AVL9: variants seen among roughly 807,000 people sequenced by gnomAD.
The protein encoded by AVL9 is late secretory pathway protein AVL9 homolog.
In AVL9, 49 loss-of-function variants were observed where a neutral mutation model predicts 79.2. That is an observed-to-expected ratio of 0.62 (90% CI 0.49 to 0.79). AVL9 has a LOEUF of 0.79. Ranked by LOEUF, AVL9 falls within the 30% of genes least tolerant of loss-of-function variation. The pLI, the probability that AVL9 is intolerant of heterozygous loss-of-function variation, is 0.00. For missense variants in AVL9, 682 were observed against 776.8 expected (o/e 0.88, Z 1.45); for synonymous variants, 299 against 280.6 (o/e 1.07, Z -0.65).
intron 13 of AVL9, among the ~76,000 whole-genome samples, chr7:32,579,316 TATATTTTATATAATATATATAACAC>T (rs1431384958): frequency 4.6e-5 from 3 of 65,326 alleles, no homozygotes; most frequent in East Asian, 4.8e-4. Context: ...ATATATTATA[TATATTTTATATAATATATATAACAC>T]ATATTTTATA....
At position 32,559,186 on chromosome 7, in the gene AVL9, A is replaced by T; in HGVS notation, c.937A>T (p.Asn313Tyr). Residue 313 changes from asparagine (N) to tyrosine (Y), a missense_variant, in exon 10 of 16, where the codon AAT (asparagine) becomes TAT (tyrosine). By Grantham distance (143) the Asn-to-Tyr change is moderately radical (BLOSUM62 -2). Transcript: ENST00000318709. ...SSKGQEPNDT[N>Y]QYLKPPSRPS... is the part of the protein sequence containing the mutation. Reference sequence around the variant, plus strand: ...CAAAGGGCAGGAACCCAATGATACCAATCAATATTTGAAACCTCCATCTCG... The same window carrying T: ...CAAAGGGCAGGAACCCAATGATACCTATCAATATTTGAAACCTCCATCTCG... 6.2e-7 allele frequency: 1 copy of T among 1,614,190 alleles called. No homozygotes were observed. Among genetic ancestry groups the T allele is most frequent in the Non-Finnish European group, 8.5e-7 (1 of 1,180,042 alleles).
At chr7:32,553,395 G>C (rs1285943054) in intron 6 of AVL9, among the ~76,000 whole-genome samples, 1 of 152,142 alleles carries the variant, frequency 6.6e-6, no homozygotes, top group Non-Finnish European at 1.5e-5. Context: ...GCCACCTATA[G>C]CTGTCTACAT....
intron 13 of AVL9, among the ~76,000 whole-genome samples, chr7:32,579,328 A>T (rs1281519536): frequency 3.5e-5 from 1 of 28,294 alleles, no homozygotes. Flanking sequence ...TATTTTATAT[A>T]ATATATATAA....
intron 1 of AVL9, among the ~76,000 whole-genome samples, chr7:32,541,208 C>CT (rs775446204): frequency 1.3e-5 from 2 of 151,748 alleles, no homozygotes; most frequent in East Asian, 1.9e-4. Context: ...GCCTGTACTA[C>CT]TTTTTTTAGA....
chr7:32,509,637 G>A (rs565030785), intron 1 of AVL9, among the ~76,000 whole-genome samples: 2 of 152,222 alleles, frequency 1.3e-5, no homozygotes, highest in South Asian at 4.1e-4. Flanking sequence ...ATCACTTGAG[G>A]TCAGGAGTTT....
chr7:32,575,103 T>TGTTTC (rs1375159997), intron 12 of AVL9, among the ~76,000 whole-genome samples: 2 of 146,544 alleles, frequency 1.4e-5, no homozygotes, highest in Non-Finnish European at 3.0e-5. Context: ...TGTTTTGTTT[T>TGTTTC]GTTTTGTTTT....
chr7:32,561,468 CTCTCAGCTT>C (rs1373791142), intron 10 of AVL9, among the ~76,000 whole-genome samples: 2 of 152,214 alleles, frequency 1.3e-5, no homozygotes, highest in African/African-American at 2.4e-5. Flanking sequence ...CTTCTCAGCT[CTCTCAGCTT>C]TCATATAATC....
At chr7:32,523,719 G>A (rs1442409551) in intron 1 of AVL9, among the ~76,000 whole-genome samples, 2 of 141,696 alleles carry the variant, frequency 1.4e-5, no homozygotes, top group African/African-American at 2.6e-5. Flanking sequence ...CAGTAGAGAT[G>A]GGGTTTCTTT....
At chr7:32,543,588 A>G (rs1048251796) in intron 2 of AVL9, among the ~76,000 whole-genome samples, 2 of 152,210 alleles carry the variant, frequency 1.3e-5, no homozygotes, top group Non-Finnish European at 2.9e-5. Context: ...CACCAGCTGT[A>G]CATTGCTTGG....
At chr7:32,511,052 G>C (rs537840683) in intron 1 of AVL9, among the ~76,000 whole-genome samples, 87 of 138,744 alleles carry the variant, frequency 6.3e-4, no homozygotes, top group South Asian at 9.3e-4. Flanking sequence ...GTCAGGTCTG[G>C]TTGTGGGAGT....
intron 1 of AVL9, among the ~76,000 whole-genome samples, chr7:32,524,244 G>T (rs1005343150): frequency 6.6e-6 from 1 of 152,040 alleles, no homozygotes; most frequent in African/African-American, 2.4e-5. Flanking sequence ...CGCTGGGCAC[G>T]GTGGCTCACG....
rs781161439 is a variant in AVL9 at position 32,580,872 on chromosome 7, C to G, written c.1813C>G (p.Gln605Glu). ...VMVTTSRNVV[Q>E]TGKAVGQSVG... ...GGTCACAACTAGCCGGAATGTTGTA[C>G]AAACAGGAAAAGCTGTTGGTAAGAC... Residue 605 changes from glutamine to glutamate, a missense_variant, in exon 15 of 16, where the codon CAA becomes GAA. Coordinates refer to ENST00000318709, the MANE Select transcript of AVL9 (RefSeq NM_015060.3). 2 of 1,613,490 alleles carry G rather than the reference C, an allele frequency of 1.2e-6. No individual in the cohort carries two copies. The highest frequency in any genetic ancestry group is 2.7e-5 in the African/African-American group (2 of 74,884).
intron 1 of AVL9, among the ~76,000 whole-genome samples, chr7:32,507,356 G>A (rs555599009): frequency 6.6e-6 from 1 of 152,288 alleles, no homozygotes; most frequent in African/African-American, 2.4e-5. Context: ...TACCTCACAA[G>A]TCTAGAAATA....
Position 32,559,447 on chromosome 7 carries a change from CT to C in AVL9, c.1199del (p.Leu400ArgfsTer52). 1.9e-6 allele frequency: 3 copies of C among 1,547,216 alleles called. No homozygotes were observed. Among genetic ancestry groups the C allele is most frequent in the Non-Finnish European group, 2.6e-6 (3 of 1,149,900 alleles). ...GGAAGAGGATCAGTATGGCATGCCCCTGGCCATCTTCACAAAGGTAAAGTGT... is the reference window on the plus strand; with the variant it reads ...GGAAGAGGATCAGTATGGCATGCCCCGGCCATCTTCACAAAGGTAAAGTGT... ...GLEEDQYGMP[L>X]AIFTKGYLCL... On this transcript the variant is annotated frameshift_variant, in exon 10 of 16. Transcript: ENST00000318709. LOFTEE classifies it high-confidence loss of function.
At chr7:32,539,817 T>C (rs750059530) in intron 1 of AVL9, among the ~76,000 whole-genome samples, 4 of 152,214 alleles carry the variant, frequency 2.6e-5, no homozygotes, top group Non-Finnish European at 5.9e-5. Flanking sequence ...TCTTGCTGTT[T>C]CCACCTCCTA....
rs1290695679 is a variant in AVL9 at position 32,579,559 on chromosome 7, ATATTATATAT to A, written c.1689-656_1689-647del. Among the ~76,000 whole-genome samples, 47 of 4,714 alleles carry A rather than the reference ATATTATATAT, an allele frequency of 1.0e-2. 12 individuals carry two copies. Among genetic ancestry groups the A allele is most frequent in the African/African-American group, 0.015 (21 of 1,360 alleles). The allele number at this position is 4,714 out of a possible 152,430, so 3.1% of individuals were successfully genotyped here. A position where few individuals can be genotyped will look rare whatever the true frequency, so the allele number is the denominator to read the frequency against. On this transcript the variant is annotated intron_variant, in intron 13 of 15. Coordinates refer to ENST00000318709, the MANE Select transcript of AVL9 (RefSeq NM_015060.3). Reference sequence around the variant, plus strand: ...TATTATATATTATATATTATATATTATATTATATATTATATTATATATTATATATTATATA... The same window carrying A: ...TATTATATATTATATATTATATATTATATATTATATATTATATATTATATA...
At chr7:32,497,312 G>A (rs904740411) in intron 1 of AVL9, among the ~76,000 whole-genome samples, 5 of 152,022 alleles carry the variant, frequency 3.3e-5, no homozygotes, top group Non-Finnish European at 5.9e-5. Flanking sequence ...CCGAGATCAC[G>A]CCATTGCACT....
At chr7:32,508,719 T>C (rs1215725085) in intron 1 of AVL9, among the ~76,000 whole-genome samples, 7 of 152,240 alleles carry the variant, frequency 4.6e-5, no homozygotes, top group Admixed American at 4.6e-4. Context: ...TTAAGACCAC[T>C]TTATTGAATA....
chr7:32,528,754 T>C (rs942638683), intron 1 of AVL9, among the ~76,000 whole-genome samples: 3 of 152,202 alleles, frequency 2.0e-5, no homozygotes, highest in Non-Finnish European at 4.4e-5. Flanking sequence ...CTCACGCCTG[T>C]AATCCCAGCA....
Sources: allele counts gnomAD v4.1 joint callset (sites outside exome capture counted in the v4.1 genomes callset), GRCh38; gene constraint gnomAD v4.1.1; transcripts MANE v1.5; gene names NCBI Gene and HGNC (gene_info 2026-07-23, HGNC 2026-07-21).